CCDC62: variants seen among roughly 807,000 people sequenced by gnomAD.
CCDC62 encodes coiled-coil domain-containing protein 62.
CCDC62 carries 72 observed loss-of-function variants against 80.8 expected under a neutral mutation model. That is an observed-to-expected ratio of 0.89 (90% CI 0.74 to 1.08). The LOEUF (loss-of-function observed/expected upper bound fraction) is 1.08. Ranked by LOEUF, CCDC62 falls within the 50% of genes least tolerant of loss-of-function variation. CCDC62 has a pLI of 0.00. For missense variants in CCDC62, 704 were observed against 809.4 expected, an observed-to-expected ratio of 0.87 and a Z score of 1.58; for synonymous variants, 286 against 296.5, an observed-to-expected ratio of 0.96 and a Z score of 0.36.
At chr12:122,805,343 C>CTTT (rs56167273) in intron 9 of CCDC62, among the ~76,000 whole-genome samples, 7 of 105,132 alleles carry the variant, frequency 6.7e-5, no homozygotes, top group African/African-American at 1.7e-4. Flanking sequence ...TGTCTTAATT[C>CTTT]TTTTTTTTTT....
In CCDC62 at chr12:122,777,582, A is replaced by G. The variant is rs1879553470; in HGVS notation, c.128A>G (p.Glu43Gly). The G allele has an allele frequency of 1.9e-6, 3 of 1,614,176 alleles. No homozygotes were observed. The highest frequency in any genetic ancestry group is 2.5e-6 in the Non-Finnish European group (3 of 1,180,004). The change falls in exon 2 of 13, where the codon GAG becomes GGG. Residue 43 changes from glutamate (E) to glycine (G), a missense_variant. Coordinates refer to ENST00000253079, the MANE Select transcript of CCDC62 (RefSeq NM_201435.5). ...LIGELKDRDK[E>G]LNDMVAVHQQ... ...GGAGAATTAAAAGATCGAGATAAAGAGCTCAATGACATGGTTGCAGTGCAC... is the reference window on the plus strand; with the variant it reads ...GGAGAATTAAAAGATCGAGATAAAGGGCTCAATGACATGGTTGCAGTGCAC...
At chr12:122,797,276 A>T (rs774833669) in intron 6 of CCDC62, 31 bp from the exon 7 acceptor site, 1 of 1,084,400 alleles carries the variant, frequency 9.2e-7, no homozygotes, top group South Asian at 1.3e-5. Context: ...ATAGCTGATG[A>T]AAAATGTTAA....
chr12:122,817,896 C>T (rs960104288), intron 11 of CCDC62, among the ~76,000 whole-genome samples: 3 of 152,258 alleles, frequency 2.0e-5, no homozygotes, highest in African/African-American at 7.2e-5. Flanking sequence ...ATGACTCCTG[C>T]TCACTGTGAA....
At chr12:122,785,662 G>A (rs1443166789) in intron 3 of CCDC62, 57 bp from the exon 4 acceptor site, 28 of 1,124,870 alleles carry the variant, frequency 2.5e-5, no homozygotes, top group Non-Finnish European at 2.7e-5. Context: ...TGGCTAGCAA[G>A]AGTAGTGAAA....
intron 12 of CCDC62, among the ~76,000 whole-genome samples, chr12:122,824,348 G>A (rs769130459): frequency 7.9e-5 from 12 of 151,988 alleles, no homozygotes; most frequent in East Asian, 5.8e-4. Context: ...CCTGGGAGGC[G>A]GAGGTTGCAA....
Position 122,788,738 on chromosome 12 carries a change from T to C in CCDC62, c.499-20T>C, listed in dbSNP as rs769614066. Reference sequence around the variant, plus strand: ...GGAATTTAAGAATCTAGGATAACCATTTTCAAATTTGGTTTTTAGGACAAA... The same window carrying C: ...GGAATTTAAGAATCTAGGATAACCACTTTCAAATTTGGTTTTTAGGACAAA... On this transcript the variant is annotated intron_variant, in intron 4 of 12. Transcript: ENST00000253079. The C allele has an allele frequency of 4.1e-6, 6 of 1,472,246 alleles. No homozygotes were observed. The highest frequency in any genetic ancestry group is 5.5e-6 in the Non-Finnish European group (6 of 1,085,520). The allele number at this position is 1,472,246 out of a possible 1,614,324, so 91.2% of individuals were successfully genotyped here.
At chr12:122,779,908 A>C (rs1429099946) in intron 2 of CCDC62, among the ~76,000 whole-genome samples, 3 of 3,660 alleles carry the variant, frequency 8.2e-4, no homozygotes, top group Non-Finnish European at 2.1e-3. Context: ...ACTCTGTCTC[A>C]AAAAAAAAAA....
Position 122,801,665 on chromosome 12 carries a change from G to T in CCDC62, c.1519G>T (p.Glu507Ter). The T allele has an allele frequency of 1.2e-6, 2 of 1,614,174 alleles. No individual in the cohort carries two copies. The highest frequency in any genetic ancestry group is 2.2e-5 in the South Asian group (2 of 91,080). The change falls in exon 9 of 13, where the codon GAA (glutamate) becomes TAA (stop). Residue 507 changes from glutamate (E) to a stop codon, truncating the protein, a stop_gained. Coordinates refer to ENST00000253079, the MANE Select transcript of CCDC62 (RefSeq NM_201435.5). LOFTEE classifies it high-confidence loss of function. ...CCAGAAAAATGAAGCCTGTCTGGGC[G>T]AAAGTGGCATGTGTGACTCCAAGTG... is the stretch of plus-strand genomic sequence containing the variant. ...CCQKNEACLG[E>*]SGMCDSKCCH...
intron 3 of CCDC62, 46 bp downstream of exon 3, chr12:122,781,376 G>A: frequency 6.4e-7 from 1 of 1,569,492 alleles, no homozygotes; most frequent in Non-Finnish European, 8.7e-7. Context: ...AATTCCCTTT[G>A]TGTTTCAGTT....
chr12:122,796,629 G>A (rs1025840723), intron 6 of CCDC62, among the ~76,000 whole-genome samples: 4 of 152,012 alleles, frequency 2.6e-5, no homozygotes, highest in South Asian at 2.1e-4. Context: ...AGGCTGAGGC[G>A]GGTAGATCAC....
intron 2 of CCDC62, among the ~76,000 whole-genome samples, chr12:122,779,952 T>G (rs1879730516): frequency 6.9e-6 from 1 of 144,602 alleles, no homozygotes; most frequent in East Asian, 2.1e-4. Context: ...AAAAGAATAT[T>G]CAGAGCAGCA....
chr12:122,790,613 G>C (rs985792264), intron 5 of CCDC62, among the ~76,000 whole-genome samples: 3 of 151,974 alleles, frequency 2.0e-5, no homozygotes, highest in Non-Finnish European at 2.9e-5. Context: ...GCCAAGATTG[G>C]CCACTACACT....
chr12:122,783,094 G>A (rs985529585), intron 3 of CCDC62, among the ~76,000 whole-genome samples: 2 of 144,158 alleles, frequency 1.4e-5, no homozygotes, highest in Admixed American at 7.2e-5. Context: ...GGGAAAGAGC[G>A]AGACTCCTTG....
At chr12:122,778,201 A>C (rs955981459) in intron 2 of CCDC62, among the ~76,000 whole-genome samples, 1 of 151,994 alleles carries the variant, frequency 6.6e-6, no homozygotes, top group Non-Finnish European at 1.5e-5. Context: ...AAAAATACAA[A>C]AAGTTAACTG....
intron 8 of CCDC62, among the ~76,000 whole-genome samples, chr12:122,800,845 A>C (rs1313565554): frequency 6.6e-6 from 1 of 152,198 alleles, no homozygotes; most frequent in Non-Finnish European, 1.5e-5. Flanking sequence ...TGACATGAAA[A>C]ATTTTAAAGG....
At chr12:122,794,332 C>G (rs1055826440) in intron 6 of CCDC62, among the ~76,000 whole-genome samples, 7 of 151,998 alleles carry the variant, frequency 4.6e-5, no homozygotes, top group Admixed American at 4.6e-4. Flanking sequence ...GTAGGTGGGA[C>G]CACAGGCACA....
At chr12:122,778,234 A>G (rs1007570963) in intron 2 of CCDC62, among the ~76,000 whole-genome samples, 2 of 151,972 alleles carry the variant, frequency 1.3e-5, no homozygotes, top group Non-Finnish European at 2.9e-5. Flanking sequence ...CACACCTGTA[A>G]TCTCAGCTAC....
chr12:122,785,371 T>G (rs1432903330), intron 3 of CCDC62, among the ~76,000 whole-genome samples: 1 of 152,214 alleles, frequency 6.6e-6, no homozygotes, highest in East Asian at 1.9e-4. Flanking sequence ...TCATTCATTT[T>G]CTTGCCTCTT....
chr12:122,813,524 AGTTT>A, intron 11 of CCDC62, 105 bp downstream of exon 11: 1 of 1,033,094 alleles, frequency 9.7e-7, no homozygotes, highest in Non-Finnish European at 1.4e-6. Flanking sequence ...TTAGAGGGAG[AGTTT>A]CTGTGTCTCT....
Sources: gnomAD v4.1 joint callset for allele counts (sites outside exome capture counted in the v4.1 genomes callset) on GRCh38, gnomAD v4.1.1 for gene constraint, MANE v1.5 for transcripts, NCBI Gene and HGNC (gene_info 2026-07-23, HGNC 2026-07-21) for gene names.